SPATS2: variants seen among roughly 807,000 people sequenced by gnomAD.
SPATS2 encodes spermatogenesis-associated serine-rich protein 2.
A neutral mutation model predicts 63.7 loss-of-function variants in SPATS2; 38 were observed. The observed-to-expected ratio is 0.60, with a 90% CI of 0.46 to 0.78. SPATS2 has a LOEUF of 0.78. Ranked by LOEUF, SPATS2 falls within the 30% of genes least tolerant of loss-of-function variation. The pLI, the probability that SPATS2 is intolerant of heterozygous loss-of-function variation, is 0.00. For missense variants in SPATS2, 588 were observed against 666.2 expected (o/e 0.88, Z 1.29); for synonymous variants, 207 against 232.9 (o/e 0.89, Z 1.01).
At chr12:49,421,551 T>G (rs933609906) in intron 2 of SPATS2, among the ~76,000 whole-genome samples, 4 of 151,820 alleles carry the variant, frequency 2.6e-5, no homozygotes, top group Admixed American at 1.3e-4. Flanking sequence ...AGGGTACACA[T>G]TATGCAATGC....
intron 2 of SPATS2, among the ~76,000 whole-genome samples, chr12:49,435,092 G>A (rs1414843959): frequency 2.7e-5 from 4 of 145,946 alleles, no homozygotes; most frequent in Non-Finnish European, 6.0e-5. Flanking sequence ...GTGCAGTGGC[G>A]CAATCTCAGC....
chr12:49,506,887 C>G lies in SPATS2; in HGVS notation c.839+6682C>G, dbSNP rs113033587. 7.5e-3 allele frequency among the ~76,000 whole-genome samples: 1,133 copies of G among 151,836 alleles called. 10 individuals are homozygous for G. The highest frequency in any genetic ancestry group is 0.026 in the African/African-American group (1,066 of 41,372). On this transcript the variant is annotated intron_variant, in intron 9 of 13. Coordinates refer to ENST00000552918, the MANE Select transcript of SPATS2 (RefSeq NM_023071.4). ...TACAGTGGGTTTATTGGGACATAAC[C>G]CCATTGTAAGCCGAGGAGCATCTGT... is the stretch of plus-strand genomic sequence containing the variant.
chr12:49,405,119 G>A (rs931391267), intron 2 of SPATS2, among the ~76,000 whole-genome samples: 1 of 151,894 alleles, frequency 6.6e-6, no homozygotes, highest in African/African-American at 2.4e-5. Flanking sequence ...TGTGGCACCT[G>A]GTTTAACCCA....
intron 2 of SPATS2, among the ~76,000 whole-genome samples, chr12:49,459,081 A>G (rs1945771887): frequency 6.6e-6 from 1 of 152,190 alleles, no homozygotes; most frequent in South Asian, 2.1e-4. Context: ...AATGTAGAGG[A>G]GGGGTCAGCC....
chr12:49,501,907 C>T (rs551704316), intron 9 of SPATS2, among the ~76,000 whole-genome samples: 5 of 152,166 alleles, frequency 3.3e-5, no homozygotes, highest in Non-Finnish European at 7.3e-5. Flanking sequence ...GAGTGAGCCA[C>T]CGTGCCCAGC....
chr12:49,398,824 T>C (rs1944557359), intron 2 of SPATS2, among the ~76,000 whole-genome samples: 1 of 152,208 alleles, frequency 6.6e-6, no homozygotes, highest in Non-Finnish European at 1.5e-5. Context: ...ACATGTTCAA[T>C]TTGAGTTTCC....
chr12:49,391,580 T>C (rs1163510175), intron 2 of SPATS2, among the ~76,000 whole-genome samples: 2 of 135,632 alleles, frequency 1.5e-5, no homozygotes, highest in African/African-American at 4.9e-5. Flanking sequence ...CCACCAGTTA[T>C]GGAAATGTGC....
intron 3 of SPATS2, among the ~76,000 whole-genome samples, chr12:49,473,136 T>G (rs1946066292): frequency 6.6e-6 from 1 of 150,634 alleles, no homozygotes; most frequent in African/African-American, 2.4e-5. Flanking sequence ...GAAACTTGGC[T>G]GGGCATGGTG....
chr12:49,519,649 G>C (rs1224334712), intron 11 of SPATS2, among the ~76,000 whole-genome samples: 3 of 145,236 alleles, frequency 2.1e-5, no homozygotes, highest in Admixed American at 7.3e-5. Flanking sequence ...CCTTAATCCG[G>C]TCTGAAGGAC....
chr12:49,385,670 T>C (rs78805842), intron 2 of SPATS2, among the ~76,000 whole-genome samples: 13,984 of 151,962 alleles, frequency 0.092, 750 homozygotes, highest in African/African-American at 0.14. Flanking sequence ...AGTGCTTAGC[T>C]GAGAGTGAGG....
At chr12:49,428,284 A>C (rs961530290) in intron 2 of SPATS2, among the ~76,000 whole-genome samples, 14 of 152,112 alleles carry the variant, frequency 9.2e-5, no homozygotes, top group South Asian at 2.1e-4. Flanking sequence ...AAAAAAAAAA[A>C]ACAAAAATTC....
chr12:49,385,357 AGTGT>A lies in SPATS2; in HGVS notation c.-244+14097_-244+14100del, dbSNP rs57896651. On this transcript the variant is annotated intron_variant, in intron 2 of 13. Transcript: ENST00000552918. ...GACTGTGTGAGCATGTAAGTATATA[AGTGT>A]GTGTGTGTGTGTGTGTGTGTGTGTG... Among the ~76,000 whole-genome samples the A allele has an allele frequency of 6.4e-3, 916 of 142,062 alleles. 3 individuals are homozygous for A. Among genetic ancestry groups the A allele is most frequent in the South Asian group, 0.013 (57 of 4,286 alleles). 93.2% of individuals were successfully genotyped at this position (142,062 alleles called of 152,430 possible). A position where few individuals can be genotyped will look rare whatever the true frequency, so the allele number is the denominator to read the frequency against.
chr12:49,382,085 C>T (rs1178447553), intron 2 of SPATS2, among the ~76,000 whole-genome samples: 1 of 152,236 alleles, frequency 6.6e-6, no homozygotes, highest in Non-Finnish European at 1.5e-5. Context: ...CCTGAACTCT[C>T]CTGTCTCTTG....
At chr12:49,436,279 C>G (rs548311985) in intron 2 of SPATS2, among the ~76,000 whole-genome samples, 1 of 145,776 alleles carries the variant, frequency 6.9e-6, no homozygotes, top group Admixed American at 6.7e-5. Context: ...GGGCTGACCT[C>G]CCCACCTCCC....
Position 49,519,179 on chromosome 12 carries a change from C to T in SPATS2, c.1005C>T (p.Ile335=), listed in dbSNP as rs1405130105. ...EQQLVELRAD[I]KHFVSERKYD... ...AATTGGTTGAGCTCAGAGCTGATAT[C>T]AAGGTAAAACTTCTTTCTGCTTTCT... is the stretch of plus-strand genomic sequence containing the variant. The change falls in exon 11 of 14, where the codon ATC becomes ATT. Residue 335 remains isoleucine (I), a synonymous_variant. Transcript: ENST00000552918. 3 of 1,611,078 alleles carry T rather than the reference C, an allele frequency of 1.9e-6. No homozygotes were observed. In the South Asian group the frequency reaches 3.3e-5, roughly 18 times the overall value.
intron 2 of SPATS2, among the ~76,000 whole-genome samples, chr12:49,418,395 G>A (rs563696700): frequency 3.3e-5 from 5 of 152,028 alleles, no homozygotes; most frequent in Non-Finnish European, 7.4e-5. Flanking sequence ...CACCTCCCAG[G>A]TTCAAGGGAT....
At chr12:49,485,821 G>A (rs1057358259) in intron 4 of SPATS2, among the ~76,000 whole-genome samples, 4 of 144,250 alleles carry the variant, frequency 2.8e-5, no homozygotes, top group African/African-American at 1.0e-4. Flanking sequence ...GTGCAGTGAC[G>A]CAGTCTCGGC....
chr12:49,432,557 A>G (rs1945204163), intron 2 of SPATS2, among the ~76,000 whole-genome samples: 1 of 152,200 alleles, frequency 6.6e-6, no homozygotes, highest in African/African-American at 2.4e-5. Flanking sequence ...AAGTTTTTTT[A>G]TCTTTGCAAA....
chr12:49,369,926 C>T (rs370101218), intron 1 of SPATS2, among the ~76,000 whole-genome samples: 2 of 152,160 alleles, frequency 1.3e-5, no homozygotes, highest in East Asian at 3.8e-4. Context: ...TTGGTACTAG[C>T]ATTACCTCTA....
Sources: allele counts gnomAD v4.1 joint callset (sites outside exome capture counted in the v4.1 genomes callset), GRCh38; gene constraint gnomAD v4.1.1; transcripts MANE v1.5; gene names NCBI Gene and HGNC (gene_info 2026-07-23, HGNC 2026-07-21).